Variants in PPP1R14C observed in about 807,000 individuals in gnomAD.
PPP1R14C encodes the protein protein phosphatase 1 regulatory subunit 14C.
PPP1R14C carries 16 observed loss-of-function variants against 20.4 expected under a neutral mutation model. The ratio of observed to expected loss-of-function variants is 0.78; its 90% CI spans 0.53 to 1.19. The LOEUF (loss-of-function observed/expected upper bound fraction) is 1.19, where lower values mean the gene tolerates loss of function less well. Among genes scored for constraint, PPP1R14C ranks in the 50% most tolerant of loss-of-function variants. The pLI, the probability that PPP1R14C is intolerant of heterozygous loss-of-function variation, is 0.00. For missense variants in PPP1R14C, 211 were observed against 220.1 expected, an observed-to-expected ratio of 0.96 and a Z score of 0.26; for synonymous variants, 91 against 91.0, an observed-to-expected ratio of 1.00 and a Z score of 0.00.
chr6:150,179,103 A>C (rs1777593002), intron 1 of PPP1R14C, among the ~76,000 whole-genome samples: 1 of 152,130 alleles, frequency 6.6e-6, no homozygotes, highest in South Asian at 2.1e-4. Flanking sequence ...GGGGAGACCC[A>C]GGGAGGAAGG....
At chr6:150,213,613 C>A (rs1185950638) in intron 1 of PPP1R14C, among the ~76,000 whole-genome samples, 4 of 152,188 alleles carry the variant, frequency 2.6e-5, no homozygotes, top group Non-Finnish European at 5.9e-5. Context: ...TGCCATGACT[C>A]CTGATGAAAT....
At chr6:150,197,284 C>T (rs867129632) in intron 1 of PPP1R14C, among the ~76,000 whole-genome samples, 1 of 152,232 alleles carries the variant, frequency 6.6e-6, no homozygotes, top group Non-Finnish European at 1.5e-5. Flanking sequence ...CCTGCACCTG[C>T]CACAGGTCCA....
chr6:150,214,134 C>T (rs903289409), intron 1 of PPP1R14C, among the ~76,000 whole-genome samples: 3 of 152,268 alleles, frequency 2.0e-5, no homozygotes, highest in Middle Eastern at 3.4e-3. Flanking sequence ...AGTTGGACCA[C>T]GTGTCTTCTC....
In PPP1R14C at chr6:150,249,728, C is replaced by T. The variant is rs1224631059; in HGVS notation, c.*908C>T. On this transcript the variant is annotated 3_prime_UTR_variant, in exon 4 of 4. Coordinates refer to ENST00000361131, the MANE Select transcript of PPP1R14C (RefSeq NM_030949.3). ...TGTGTTTATTCTCTCTCCAGGAAAG[C>T]AGATCAAAAGAAAGTTAGCAGATCG... 1 of 396,172 alleles carries T rather than the reference C, an allele frequency of 2.5e-6. No individual in the cohort carries two copies. Among genetic ancestry groups the T allele is most frequent in the African/African-American group, 2.1e-5 (1 of 48,600 alleles). The allele number at this position is 396,172 out of a possible 1,614,324, so 24.5% of individuals were successfully genotyped here.
At chr6:150,179,131 C>A (rs1433555571) in intron 1 of PPP1R14C, among the ~76,000 whole-genome samples, 1 of 152,130 alleles carries the variant, frequency 6.6e-6, no homozygotes, top group Admixed American at 6.5e-5. Context: ...GGTCGCCAAG[C>A]ATGGTGGCTC....
rs397886649 is a variant in PPP1R14C, at chr6:150,217,195, A to AT, written c.423+357dup. On this transcript the variant is annotated intron_variant, in intron 3 of 3. Coordinates refer to ENST00000361131, the MANE Select transcript of PPP1R14C (RefSeq NM_030949.3). ...ATATTCTATTGGTTTATTGGTATGT[A>AT]TTTTTTTTTTTTTTTTTTGAGACGG... Among the ~76,000 whole-genome samples the AT allele has an allele frequency of 8.7e-3, 1,186 of 135,630 alleles. 10 individuals carry two copies. The highest frequency in any genetic ancestry group is 0.043 in the Middle Eastern group (11 of 258). 89.0% of individuals were successfully genotyped at this position (135,630 alleles called of 152,430 possible).
chr6:150,220,440 A>G (rs554496689), intron 3 of PPP1R14C, among the ~76,000 whole-genome samples: 1 of 152,308 alleles, frequency 6.6e-6, no homozygotes, highest in South Asian at 2.1e-4. Flanking sequence ...TAGTTGGGGA[A>G]TTAATATAGG....
chr6:150,192,083 G>A (rs1345656753), intron 1 of PPP1R14C, among the ~76,000 whole-genome samples: 2 of 152,184 alleles, frequency 1.3e-5, no homozygotes, highest in South Asian at 2.1e-4. Context: ...TCCTCACACA[G>A]CATGAAATTC....
At chr6:150,166,149 C>T (rs372244100) in intron 1 of PPP1R14C, among the ~76,000 whole-genome samples, 11 of 151,814 alleles carry the variant, frequency 7.2e-5, no homozygotes, top group East Asian at 3.9e-4. Flanking sequence ...GGCGCTATCT[C>T]GGCTCACTGC....
At chr6:150,220,150 C>T (rs370674865) in intron 3 of PPP1R14C, among the ~76,000 whole-genome samples, 49 of 152,196 alleles carry the variant, frequency 3.2e-4, no homozygotes, top group African/African-American at 8.4e-4. Flanking sequence ...CCACCGCGCC[C>T]GGCCAAGACT....
intron 3 of PPP1R14C, among the ~76,000 whole-genome samples, chr6:150,246,052 T>G (rs1294798666): frequency 4.6e-5 from 7 of 152,222 alleles, no homozygotes; most frequent in African/African-American, 9.6e-5. Context: ...ATTTAAACTT[T>G]TTAATCTCTG....
chr6:150,242,027 G>A (rs994280987), intron 3 of PPP1R14C, among the ~76,000 whole-genome samples: 3 of 152,188 alleles, frequency 2.0e-5, no homozygotes, highest in Non-Finnish European at 4.4e-5. Context: ...TGTGGGAGTA[G>A]GAAAGAGAGT....
intron 1 of PPP1R14C, among the ~76,000 whole-genome samples, chr6:150,178,524 C>G (rs528195690): frequency 6.6e-6 from 1 of 152,322 alleles, no homozygotes; most frequent in South Asian, 2.1e-4. Context: ...CAGGTAAAGT[C>G]AATACGATTG....
chr6:150,202,932 CCTTT>C (rs1777896333), intron 1 of PPP1R14C, among the ~76,000 whole-genome samples: 1 of 152,158 alleles, frequency 6.6e-6, no homozygotes. Context: ...CTCATCTACC[CCTTT>C]CTTTCTCCTC....
At chr6:150,197,922 TGGA>T (rs1363578390) in intron 1 of PPP1R14C, among the ~76,000 whole-genome samples, 1 of 113,472 alleles carries the variant, frequency 8.8e-6, no homozygotes, top group East Asian at 2.6e-4. Context: ...CCTGCCACGG[TGGA>T]GGAGGGCCTG....
intron 1 of PPP1R14C, among the ~76,000 whole-genome samples, chr6:150,152,036 C>T (rs1037226021): frequency 2.7e-5 from 4 of 146,106 alleles, no homozygotes; most frequent in Non-Finnish European, 4.5e-5. Context: ...AGGAGAAGGG[C>T]GTGAACCCGG....
At chr6:150,214,864 G>T (rs1778071187) in intron 2 of PPP1R14C, 37 bp downstream of exon 2, 2 of 1,442,596 alleles carry the variant, frequency 1.4e-6, no homozygotes, top group South Asian at 2.3e-5. Context: ...TTCTAATCAT[G>T]GACACTTGAG....
In PPP1R14C at chr6:150,214,782, T is replaced by A; in HGVS notation, c.345T>A (p.Asp115Glu). ...CAGAGGTAGAAATTGACATTGATGATCTTCTTGATGCAGACAGTGATGAAG... is the reference window on the plus strand; with the variant it reads ...CAGAGGTAGAAATTGACATTGATGAACTTCTTGATGCAGACAGTGATGAAG... ...EMPEVEIDID[D>E]LLDADSDEER... The change falls in exon 2 of 4, where the codon GAT becomes GAA. Residue 115 changes from aspartate (D) to glutamate (E), a missense_variant. Asp to Glu is a conservative substitution (Grantham distance 45). Transcript: ENST00000361131. 1 of 1,613,258 alleles carries A rather than the reference T, an allele frequency of 6.2e-7. No individual in the cohort carries two copies. The highest frequency in any genetic ancestry group is 8.5e-7 in the Non-Finnish European group (1 of 1,179,676).
intron 1 of PPP1R14C, among the ~76,000 whole-genome samples, chr6:150,162,240 A>G (rs1777377897): frequency 6.6e-6 from 1 of 152,058 alleles, no homozygotes; most frequent in African/African-American, 2.4e-5. Flanking sequence ...TTTTTAGTAG[A>G]GACGGGGTTT....
Sources: allele counts gnomAD v4.1 joint callset (sites outside exome capture counted in the v4.1 genomes callset), GRCh38; gene constraint gnomAD v4.1.1; transcripts MANE v1.5; gene names NCBI Gene and HGNC (gene_info 2026-07-23, HGNC 2026-07-21).